The following GUCY1A1 variants were observed in gnomAD, a reference collection of about 807,000 sequenced individuals.
GUCY1A1 encodes guanylate cyclase 1 soluble subunit alpha 1, also known as guanylate cyclase soluble subunit alpha-1.
A neutral mutation model predicts 64.5 loss-of-function variants in GUCY1A1; 48 were observed. That is an observed-to-expected ratio of 0.74 (90% CI 0.59 to 0.95). The LOEUF (loss-of-function observed/expected upper bound fraction) is 0.95. GUCY1A1 is among the 40% of genes least tolerant of loss of function. The pLI, the probability that GUCY1A1 is intolerant of heterozygous loss-of-function variation, is 0.00. For synonymous variants in GUCY1A1, 308 were observed against 303.4 expected (o/e 1.02, Z -0.16); for missense variants, 804 against 825.3 (o/e 0.97, Z 0.32).
At chr4:155,685,106 C>T (rs1281112031) in intron 2 of GUCY1A1, among the ~76,000 whole-genome samples, 2 of 152,200 alleles carry the variant, frequency 1.3e-5, no homozygotes, top group African/African-American at 4.8e-5. Context: ...TTCTGCCACT[C>T]ACCAGCTATG....
At chr4:155,700,715 A>C (rs1004771505) in intron 3 of GUCY1A1, among the ~76,000 whole-genome samples, 1 of 152,188 alleles carries the variant, frequency 6.6e-6, no homozygotes, top group Non-Finnish European at 1.5e-5. Context: ...AATCTACAAT[A>C]CTTCAGGTTC....
rs1018938925 is a variant in GUCY1A1 at position 155,717,260 on chromosome 4, G to C, written c.1674G>C (p.Glu558Asp). Residue 558 changes from glutamate to aspartate, a missense_variant, in exon 8 of 10, where the codon GAG becomes GAC. By Grantham distance (45) the Glu-to-Asp change is conservative. Coordinates refer to ENST00000506455, the MANE Select transcript of GUCY1A1 (RefSeq NM_001130682.3). ...QIALMALKMM[E>D]LSDEVMSPHG... ...CGCTGATGGCCCTGAAGATGATGGA[G>C]CTCTCTGATGAAGTTATGTCTCCCC... is the stretch of plus-strand genomic sequence containing the variant. 7.5e-6 allele frequency: 12 copies of C among 1,596,514 alleles called. No homozygotes were observed. The highest frequency in any genetic ancestry group is 1.0e-5 in the Non-Finnish European group (12 of 1,169,508).
At chr4:155,711,387 A>G (rs539656515) in intron 6 of GUCY1A1, 136 bp downstream of exon 6, 9 of 533,914 alleles carry the variant, frequency 1.7e-5, no homozygotes, top group Admixed American at 3.6e-5. Flanking sequence ...AGAATTGTAA[A>G]GCTGTAATAA....
At position 155,732,335 on chromosome 4, in the gene GUCY1A1, T is replaced by A. The variant is rs1483028; in HGVS notation, c.*2104T>A. 26 of 151,926 alleles carry A rather than the reference T, an allele frequency of 1.7e-4. No homozygotes were observed. The highest frequency in any genetic ancestry group is 6.0e-4 in the African/African-American group (25 of 41,508). The allele number at this position is 151,926 out of a possible 1,614,324, so 9.4% of individuals were successfully genotyped here. On this transcript the variant is annotated 3_prime_UTR_variant, in exon 10 of 10. Transcript: ENST00000506455. ...CGTGGCATTATATCTAAATAAAAAATTACCAAAAAACATATTTTCACAGTG... is the reference window on the plus strand; with the variant it reads ...CGTGGCATTATATCTAAATAAAAAAATACCAAAAAACATATTTTCACAGTG...
chr4:155,733,537 T>G lies in GUCY1A1; in HGVS notation c.*3306T>G, dbSNP rs551411325. ...TATTGTAATATTAATATATAGTAAT[T>G]AACTACACATGACACAGCTTTACAT... On this transcript the variant is annotated 3_prime_UTR_variant, in exon 10 of 10. Coordinates refer to ENST00000506455, the MANE Select transcript of GUCY1A1 (RefSeq NM_001130682.3). Among the ~76,000 whole-genome samples the G allele has an allele frequency of 6.6e-6, 1 of 151,582 alleles. No individual in the cohort carries two copies. Among genetic ancestry groups the G allele is most frequent in the South Asian group, 2.1e-4 (1 of 4,792 alleles).
rs1733380400 is a variant in GUCY1A1 at position 155,717,313 on chromosome 4, T to A, written c.1716+11T>A. 6.5e-7 allele frequency: 1 copy of A among 1,542,040 alleles called. No individual in the cohort carries two copies. The highest frequency in any genetic ancestry group is 1.4e-5 in the African/African-American group (1 of 72,564). On this transcript the variant is annotated intron_variant, in intron 8 of 9. Transcript: ENST00000506455. ...GGAGAACCTATCAAGGTAAGGCAGA[T>A]GATATATTGTCCAAAAGATGTCACA...
At position 155,717,282 on chromosome 4, in the gene GUCY1A1, C is replaced by A; in HGVS notation, c.1696C>A (p.Pro566Thr). 1 of 1,590,940 alleles carries A rather than the reference C, an allele frequency of 6.3e-7. No individual in the cohort carries two copies. The highest frequency in any genetic ancestry group is 1.1e-5 in the South Asian group (1 of 87,218). ...GGAGCTCTCTGATGAAGTTATGTCTCCCCATGGAGAACCTATCAAGGTAAG... is the reference window on the plus strand; with the variant it reads ...GGAGCTCTCTGATGAAGTTATGTCTACCCATGGAGAACCTATCAAGGTAAG... ...MMELSDEVMSPHGEPIKMRIG... is the reference protein window; with the variant it reads ...MMELSDEVMSTHGEPIKMRIG... The change falls in exon 8 of 10, where the codon CCC (proline) becomes ACC (threonine). Residue 566 changes from proline (P) to threonine (T), a missense_variant. By Grantham distance (38) the Pro-to-Thr change is conservative. Transcript: ENST00000506455.
rs762582757 is a variant in GUCY1A1, at chr4:155,708,309, T to G, written c.376+15T>G. The G allele has an allele frequency of 7.0e-7, 1 of 1,424,310 alleles. No individual in the cohort carries two copies. Among genetic ancestry groups the G allele is most frequent in the African/African-American group, 1.4e-5 (1 of 71,178 alleles). 88.2% of individuals were successfully genotyped at this position (1,424,310 alleles called of 1,614,324 possible). A position where few individuals can be genotyped will look rare whatever the true frequency, so the allele number is the denominator to read the frequency against. On this transcript the variant is annotated intron_variant, in intron 5 of 9. Transcript: ENST00000506455. ...AGTTGCAGCAGGTAATAGAATTGTT[T>G]ATGTAATTAGAAAGTATGCCATATA...
intron 2 of GUCY1A1, among the ~76,000 whole-genome samples, chr4:155,669,940 C>T (rs1409927025): frequency 6.6e-6 from 1 of 152,036 alleles, no homozygotes; most frequent in African/African-American, 2.4e-5. Context: ...TCTAATTAAC[C>T]TTTTTTCAGA....
chr4:155,678,976 T>G (rs1335221199), intron 2 of GUCY1A1, among the ~76,000 whole-genome samples: 1 of 152,240 alleles, frequency 6.6e-6, no homozygotes, highest in Non-Finnish European at 1.5e-5. Flanking sequence ...TCAGATGTTT[T>G]GCCCATTTTA....
At chr4:155,701,304 C>G (rs1560938370) in intron 3 of GUCY1A1, among the ~76,000 whole-genome samples, 1 of 152,024 alleles carries the variant, frequency 6.6e-6, no homozygotes, top group East Asian at 1.9e-4. Flanking sequence ...GACTTTATTC[C>G]TTTTTTTCTT....
rs1370835351 is a variant in GUCY1A1, at chr4:155,666,864, A to G, written c.-288A>G. On this transcript the variant is annotated 5_prime_UTR_variant, in exon 1 of 10. Transcript: ENST00000506455. ...AGTTTTCCTACACTTTTCCTGCGCTAGAGCAGCGAGCAGCCTGGAACAGAC... is the reference window on the plus strand; with the variant it reads ...AGTTTTCCTACACTTTTCCTGCGCTGGAGCAGCGAGCAGCCTGGAACAGAC... 6.6e-6 allele frequency: 1 copy of G among 152,244 alleles called. No homozygotes were observed. The highest frequency in any genetic ancestry group is 1.5e-5 in the Non-Finnish European group (1 of 68,124). 9.4% of individuals were successfully genotyped at this position (152,244 alleles called of 1,614,324 possible). A position where few individuals can be genotyped will look rare whatever the true frequency, so the allele number is the denominator to read the frequency against.
At chr4:155,721,033 G>A (rs973849407) in intron 8 of GUCY1A1, among the ~76,000 whole-genome samples, 1 of 152,110 alleles carries the variant, frequency 6.6e-6, no homozygotes, top group Non-Finnish European at 1.5e-5. Context: ...GGAAGTTGAG[G>A]CAGGAGGATC....
chr4:155,689,619 G>A (rs1729473709), intron 2 of GUCY1A1, among the ~76,000 whole-genome samples: 1 of 152,160 alleles, frequency 6.6e-6, no homozygotes, highest in Non-Finnish European at 1.5e-5. Context: ...AGAGTTGAGT[G>A]TACTGAATTT....
intron 2 of GUCY1A1, among the ~76,000 whole-genome samples, chr4:155,687,095 T>G (rs1041593914): frequency 6.6e-6 from 1 of 152,196 alleles, no homozygotes; most frequent in Non-Finnish European, 1.5e-5. Flanking sequence ...GTTTCATAAG[T>G]ATAAAACATT....
chr4:155,706,563 T>A (rs937646297), intron 4 of GUCY1A1, among the ~76,000 whole-genome samples: 1 of 151,602 alleles, frequency 6.6e-6, no homozygotes, highest in Admixed American at 6.6e-5. Flanking sequence ...ATAGCCATCA[T>A]GTCCCTCAGG....
intron 2 of GUCY1A1, among the ~76,000 whole-genome samples, chr4:155,676,110 T>C (rs1171768248): frequency 6.6e-6 from 1 of 151,030 alleles, no homozygotes; most frequent in Non-Finnish European, 1.5e-5. Flanking sequence ...GTTGTCTTTC[T>C]GCCTTCAATC....
chr4:155,701,106 C>T (rs540962317), intron 3 of GUCY1A1, among the ~76,000 whole-genome samples: 6 of 152,214 alleles, frequency 3.9e-5, no homozygotes, highest in African/African-American at 1.4e-4. Context: ...AGGTAGGAAA[C>T]TCGATGCACC....
At chr4:155,699,812 G>A (rs1380757631) in intron 3 of GUCY1A1, among the ~76,000 whole-genome samples, 1 of 151,968 alleles carries the variant, frequency 6.6e-6, no homozygotes, top group Non-Finnish European at 1.5e-5. Flanking sequence ...CACAATTTTT[G>A]TTTTAGATAA....
Sources: gnomAD v4.1 joint callset for allele counts (sites outside exome capture counted in the v4.1 genomes callset) on GRCh38, gnomAD v4.1.1 for gene constraint, MANE v1.5 for transcripts, NCBI Gene and HGNC (gene_info 2026-07-23, HGNC 2026-07-21) for gene names.